ESRRG: variants seen among roughly 807,000 people sequenced by gnomAD.
ESRRG encodes the protein estrogen-related receptor gamma.
A neutral mutation model predicts 44.0 loss-of-function variants in ESRRG; 13 were observed. The observed-to-expected ratio is 0.30, with a 90% CI of 0.19 to 0.47. ESRRG has a LOEUF of 0.47. Among genes scored for constraint, ESRRG ranks in the 20% least tolerant of loss-of-function variants. The pLI is 1.00. For missense variants in ESRRG, 395 were observed against 580.6 expected (o/e 0.68, Z 3.29); for synonymous variants, 215 against 214.6 (o/e 1.00, Z -0.02).
chr1:217,028,631 C>A (rs1291394343), intron 1 of ESRRG, among the ~76,000 whole-genome samples: 1 of 152,206 alleles, frequency 6.6e-6, no homozygotes, highest in Non-Finnish European at 1.5e-5. Context: ...CTTCCAATTA[C>A]ACAAGTAGTT....
chr1:217,132,230 A>T (rs1381332712), intron 1 of ESRRG, among the ~76,000 whole-genome samples: 1 of 152,174 alleles, frequency 6.6e-6, no homozygotes, highest in Non-Finnish European at 1.5e-5. Context: ...CCCAGAGTCC[A>T]GTGATCCTCC....
upstream of ESRRG, among the ~76,000 whole-genome samples, chr1:216,725,205 TTTTA>T: frequency 6.6e-6 from 1 of 152,282 alleles, no homozygotes; most frequent in East Asian, 1.9e-4. Flanking sequence ...GCCTAATTCC[TTTTA>T]TTTGTGTTCT....
At chr1:216,663,379 G>T (rs544840688) in intron 2 of ESRRG, among the ~76,000 whole-genome samples, 12 of 152,108 alleles carry the variant, frequency 7.9e-5, no homozygotes, top group Non-Finnish European at 1.5e-4. Context: ...AAAGAAAATG[G>T]ATATCAGAAT....
intron 2 of ESRRG, among the ~76,000 whole-genome samples, chr1:216,782,292 T>C (rs1239329923): frequency 6.6e-6 from 1 of 152,046 alleles, no homozygotes; most frequent in African/African-American, 2.4e-5. Flanking sequence ...ACTGAGTAAG[T>C]CTCTCATGGC....
chr1:216,812,895 T>C (rs917178733), intron 2 of ESRRG, among the ~76,000 whole-genome samples: 3 of 152,158 alleles, frequency 2.0e-5, no homozygotes, highest in Non-Finnish European at 4.4e-5. Context: ...CATATAGCAA[T>C]GAGGATAGGG....
intron 5 of ESRRG, among the ~76,000 whole-genome samples, chr1:216,554,525 A>G (rs180752134): frequency 6.6e-6 from 1 of 151,922 alleles, no homozygotes; most frequent in African/African-American, 2.4e-5. Context: ...AATCTCAGCT[A>G]CTTAGGAGGC....
intron 5 of ESRRG, among the ~76,000 whole-genome samples, chr1:216,537,129 A>G (rs2051214678): frequency 6.6e-6 from 1 of 152,024 alleles, no homozygotes; most frequent in Non-Finnish European, 1.5e-5. Context: ...AAGGTATGAC[A>G]TTAGGAAGGA....
At chr1:216,529,256 A>G (rs1311580751) in intron 5 of ESRRG, among the ~76,000 whole-genome samples, 2 of 152,184 alleles carry the variant, frequency 1.3e-5, no homozygotes, top group Non-Finnish European at 2.9e-5. Flanking sequence ...CAGGAACCAA[A>G]AACATTTTTT....
chr1:216,670,352 T>C (rs142757133), intron 2 of ESRRG, among the ~76,000 whole-genome samples: 202 of 152,374 alleles, frequency 1.3e-3, no homozygotes, highest in African/African-American at 4.7e-3. Flanking sequence ...TATGCCCGCA[T>C]GCCTTTAGCA....
intron 1 of ESRRG, among the ~76,000 whole-genome samples, chr1:217,134,533 CG>C: frequency 6.6e-6 from 1 of 152,188 alleles, no homozygotes; most frequent in Non-Finnish European, 1.5e-5. Context: ...ATCCAAGACC[CG>C]AGGTTATTTT....
chr1:216,823,323 ATAGC>A (rs1410499892), intron 2 of ESRRG, among the ~76,000 whole-genome samples: 1 of 152,174 alleles, frequency 6.6e-6, no homozygotes, highest in African/African-American at 2.4e-5. Flanking sequence ...TTTTATACTG[ATAGC>A]TAGAGAAAGA....
rs1574929440 is a variant in ESRRG, at chr1:216,660,490, G to C, written c.473-9401C>G. ...GCACTAGAGCCAGGATTTGAACCCA[G>C]GCAATCTGGATCCAAAGTCTGTGCT... On this transcript the variant is annotated intron_variant, in intron 2 of 6. Transcript: ENST00000408911. Among the ~76,000 whole-genome samples, 7 of 152,196 alleles carry C rather than the reference G, an allele frequency of 4.6e-5. No homozygotes were observed. The South Asian group carries it at 1.4e-3, about 32-fold the overall frequency.
At chr1:216,965,751 T>C (rs755529949) in intron 1 of ESRRG, among the ~76,000 whole-genome samples, 3 of 152,152 alleles carry the variant, frequency 2.0e-5, no homozygotes, top group Non-Finnish European at 2.9e-5. Context: ...ACTCAGATAT[T>C]GGAAAGAGCT....
intron 1 of ESRRG, among the ~76,000 whole-genome samples, chr1:216,985,408 G>T (rs143918657): frequency 8.5e-4 from 129 of 152,284 alleles, no homozygotes; most frequent in African/African-American, 1.4e-3. Context: ...GAAGGAAGAG[G>T]TAGTACAAGG....
intron 5 of ESRRG, among the ~76,000 whole-genome samples, chr1:216,560,194 G>C (rs2058445508): frequency 6.6e-6 from 1 of 152,024 alleles, no homozygotes. Context: ...CCTGCCTCCA[G>C]TTGATAGGAA....
At chr1:217,107,653 G>A (rs74886442) in intron 1 of ESRRG, among the ~76,000 whole-genome samples, 6,540 of 152,262 alleles carry the variant, frequency 0.043, 217 homozygotes, top group Middle Eastern at 0.085. Flanking sequence ...TATATGGTCT[G>A]TTTCAGTGCC....
chr1:217,091,072 C>T (rs1193668065), upstream of ESRRG, among the ~76,000 whole-genome samples: 1 of 152,190 alleles, frequency 6.6e-6, no homozygotes, highest in Non-Finnish European at 1.5e-5. Context: ...TATTACCCAA[C>T]ATGTGGCATA....
intron 2 of ESRRG, among the ~76,000 whole-genome samples, chr1:216,657,004 G>A (rs1286766068): frequency 5.3e-5 from 8 of 152,062 alleles, no homozygotes; most frequent in African/African-American, 1.9e-4. Context: ...TAGTATTTTT[G>A]TTTTAAAGGC....
chr1:216,940,659 G>A (rs2065065659), intron 1 of ESRRG, among the ~76,000 whole-genome samples: 1 of 152,184 alleles, frequency 6.6e-6, no homozygotes, highest in Non-Finnish European at 1.5e-5. Flanking sequence ...AGACTTTGGG[G>A]AGTGAACACC....
Sources: gnomAD v4.1 joint callset for allele counts (sites outside exome capture counted in the v4.1 genomes callset) on GRCh38, gnomAD v4.1.1 for gene constraint, MANE v1.5 for transcripts, NCBI Gene and HGNC (gene_info 2026-07-23, HGNC 2026-07-21) for gene names.